The following TTC27 variants were observed in gnomAD, a reference collection of about 807,000 sequenced individuals.
TTC27 encodes tetratricopeptide repeat protein 27.
A neutral mutation model predicts 115.9 loss-of-function variants in TTC27; 79 were observed. The ratio of observed to expected loss-of-function variants is 0.68; its 90% CI spans 0.57 to 0.82. The LOEUF is 0.82. TTC27 is among the 40% of genes least tolerant of loss of function. The probability of loss-of-function intolerance (pLI) is 0.00; values close to 1 mark genes in which losing one functional copy is unlikely to be tolerated. For missense variants in TTC27, 1,054 were observed against 993.1 expected, an observed-to-expected ratio of 1.06 and a Z score of -0.82; for synonymous variants, 401 against 356.0, an observed-to-expected ratio of 1.13 and a Z score of -1.42.
chr2:32,744,529 C>T (rs1234400939), intron 12 of TTC27, among the ~76,000 whole-genome samples: 1 of 152,142 alleles, frequency 6.6e-6, no homozygotes, highest in East Asian at 1.9e-4. Context: ...CTTTCAAGTC[C>T]CCTCTTCCTA....
chr2:32,691,087 G>C (rs193040535), intron 9 of TTC27, among the ~76,000 whole-genome samples: 1 of 152,216 alleles, frequency 6.6e-6, no homozygotes, highest in East Asian at 1.9e-4. Context: ...AGTGACCTTT[G>C]GAAGAAGATT....
At chr2:32,659,355 CTT>C (rs78014491) in intron 5 of TTC27, among the ~76,000 whole-genome samples, 1 of 118,250 alleles carries the variant, frequency 8.5e-6, no homozygotes, top group African/African-American at 3.2e-5. Context: ...GGTGTTACCT[CTT>C]TTTTTTTTTT....
At chr2:32,663,787 C>T (rs1211694821) in intron 5 of TTC27, among the ~76,000 whole-genome samples, 3 of 152,074 alleles carry the variant, frequency 2.0e-5, no homozygotes, top group African/African-American at 7.2e-5. Context: ...TGGGTTGAAG[C>T]GATTCTCCTG....
intron 10 of TTC27, among the ~76,000 whole-genome samples, chr2:32,722,656 A>G (rs1667967069): frequency 6.6e-6 from 1 of 152,244 alleles, no homozygotes; most frequent in Non-Finnish European, 1.5e-5. Context: ...GAACTGGCTT[A>G]CAAAGGAAAC....
intron 2 of TTC27, among the ~76,000 whole-genome samples, chr2:32,630,920 G>C (rs1415317786): frequency 6.6e-6 from 1 of 152,172 alleles, no homozygotes; most frequent in African/African-American, 2.4e-5. Context: ...ATATGAGACT[G>C]GCACATATTT....
chr2:32,715,055 G>T (rs1332532586), intron 10 of TTC27, among the ~76,000 whole-genome samples: 2 of 151,838 alleles, frequency 1.3e-5, no homozygotes, highest in African/African-American at 4.8e-5. Context: ...TTGTTTTGTT[G>T]TGCAAAAGCT....
rs879793007 is a variant in TTC27 at position 32,655,732 on chromosome 2, C to CT, written c.640+5513dup. On this transcript the variant is annotated intron_variant, in intron 5 of 19. Transcript: ENST00000317907. ...TAGGATTAATAATTGCTACAAAGTC[C>CT]TTTTTTTTTTTTTTGAGAGACAGAG... 4.1e-3 allele frequency among the ~76,000 whole-genome samples: 572 copies of CT among 140,860 alleles called. 4 individuals are homozygous for CT. The highest frequency in any genetic ancestry group is 6.1e-3 in the African/African-American group (237 of 38,540). 92.4% of individuals were successfully genotyped at this position (140,860 alleles called of 152,430 possible).
chr2:32,700,864 A>G (rs908980778), intron 9 of TTC27, among the ~76,000 whole-genome samples: 7 of 152,222 alleles, frequency 4.6e-5, no homozygotes, highest in East Asian at 1.9e-4. Context: ...ATCACATTTT[A>G]TAATAAAATC....
At chr2:32,779,761 A>G (rs1429134176) in intron 14 of TTC27, among the ~76,000 whole-genome samples, 1 of 152,304 alleles carries the variant, frequency 6.6e-6, no homozygotes, top group South Asian at 2.1e-4. Context: ...CTTTTCTGCT[A>G]GGAGTTTTAT....
Position 32,630,568 on chromosome 2 carries a change from C to A in TTC27, c.134C>A (p.Ala45Asp), listed in dbSNP as rs1272170901. The A allele has an allele frequency of 3.1e-6, 5 of 1,612,580 alleles. No homozygotes were observed. Among genetic ancestry groups the A allele is most frequent in the Non-Finnish European group, 4.2e-6 (5 of 1,179,346 alleles). The change falls in exon 2 of 20, where the codon GCC (alanine) becomes GAC (aspartate). Residue 45 changes from alanine (A) to aspartate (D), a missense_variant. Transcript: ENST00000317907. ...LQLLLEGNYE[A>D]IFLNSMTQNI... ...TTGCTACTGGAAGGGAACTATGAAG[C>A]CATATTCTTAAATTCAATGACTCAA...
intron 10 of TTC27, among the ~76,000 whole-genome samples, chr2:32,710,560 G>C (rs1418929490): frequency 6.6e-6 from 1 of 150,712 alleles, no homozygotes; most frequent in Non-Finnish European, 1.5e-5. Flanking sequence ...CTCCTGAGTA[G>C]CTTGGATTAC....
At chr2:32,771,803 C>T (rs991621216) in intron 13 of TTC27, among the ~76,000 whole-genome samples, 3 of 152,194 alleles carry the variant, frequency 2.0e-5, no homozygotes, top group African/African-American at 7.2e-5. Flanking sequence ...TCACTTCGGT[C>T]ATTTCCTGTT....
At position 32,628,177 on chromosome 2, in the gene TTC27, G is replaced by C. The variant is rs1328889040; in HGVS notation, c.-116G>C. On this transcript the variant is annotated 5_prime_UTR_variant, in exon 1 of 20. Coordinates refer to ENST00000317907, the MANE Select transcript of TTC27 (RefSeq NM_017735.5). ...ATTCTAGGGCCGCAGGTGTATTTAC[G>C]GTAACTGTCGCCACTAGATTTCAGC... is the stretch of plus-strand genomic sequence containing the variant. 8 of 933,488 alleles carry C rather than the reference G, an allele frequency of 8.6e-6. No homozygotes were observed. The highest frequency in any genetic ancestry group is 1.5e-5 in the South Asian group (1 of 67,768). 57.8% of individuals were successfully genotyped at this position (933,488 alleles called of 1,614,324 possible).
intron 5 of TTC27, among the ~76,000 whole-genome samples, chr2:32,651,863 A>C (rs1215856689): frequency 6.6e-6 from 1 of 152,230 alleles, no homozygotes; most frequent in African/African-American, 2.4e-5. Flanking sequence ...AGTATTATTC[A>C]ATCAGTATAA....
intron 16 of TTC27, among the ~76,000 whole-genome samples, chr2:32,789,659 C>T (rs1670462536): frequency 6.6e-6 from 1 of 151,994 alleles, no homozygotes. Context: ...GTGGCTTCTA[C>T]CTGTAATCCC....
At chr2:32,792,649 A>C (rs1558346566) in intron 16 of TTC27, among the ~76,000 whole-genome samples, 1 of 152,122 alleles carries the variant, frequency 6.6e-6, no homozygotes, top group Non-Finnish European at 1.5e-5. Flanking sequence ...CTAGCCAAGC[A>C]GGGGAGGTGG....
In TTC27 at chr2:32,754,128, A is replaced by T. The variant is rs550132719; in HGVS notation, c.1453-4164A>T. Reference sequence around the variant, plus strand: ...TAAATAAAAAATTAAAGAACTAATAAAACAATTCATTCTACATTCTTTTTT... The same window carrying T: ...TAAATAAAAAATTAAAGAACTAATATAACAATTCATTCTACATTCTTTTTT... On this transcript the variant is annotated intron_variant, in intron 12 of 19. Coordinates refer to ENST00000317907, the MANE Select transcript of TTC27 (RefSeq NM_017735.5). Among the ~76,000 whole-genome samples, 13 of 151,296 alleles carry T rather than the reference A, an allele frequency of 8.6e-5. No homozygotes were observed. In the South Asian group the frequency reaches 1.7e-3, roughly 20 times the overall value.
chr2:32,768,499 G>GAATT (rs1417032340), intron 13 of TTC27, among the ~76,000 whole-genome samples: 1 of 152,180 alleles, frequency 6.6e-6, no homozygotes, highest in African/African-American at 2.4e-5. Context: ...ATGTGGTTAT[G>GAATT]AATTGTGCTA....
intron 9 of TTC27, among the ~76,000 whole-genome samples, chr2:32,687,426 A>G (rs1212917088): frequency 6.6e-6 from 1 of 152,236 alleles, no homozygotes; most frequent in Non-Finnish European, 1.5e-5. Context: ...ACAACAAAAA[A>G]GGGTAAAATG....
Sources: gnomAD v4.1 joint callset for allele counts (sites outside exome capture counted in the v4.1 genomes callset) on GRCh38, gnomAD v4.1.1 for gene constraint, MANE v1.5 for transcripts, NCBI Gene and HGNC (gene_info 2026-07-23, HGNC 2026-07-21) for gene names.